Variants in CCSER1 observed in about 807,000 individuals in gnomAD.
CCSER1 encodes coiled-coil serine rich protein 1.
In CCSER1, 41 loss-of-function variants were observed where a neutral mutation model predicts 82.0. That is an observed-to-expected ratio of 0.50 (90% CI 0.39 to 0.65). CCSER1 has a LOEUF of 0.65. Ranked by LOEUF, CCSER1 falls within the 30% of genes least tolerant of loss-of-function variation. The probability of loss-of-function intolerance (pLI) is 0.00; values close to 1 mark genes in which losing one functional copy is unlikely to be tolerated. For missense variants in CCSER1, 1,119 were observed against 1,064.2 expected, an observed-to-expected ratio of 1.05 and a Z score of -0.72; for synonymous variants, 414 against 383.9, an observed-to-expected ratio of 1.08 and a Z score of -0.92.
At chr4:91,503,153 T>C (rs898592848) in intron 10 of CCSER1, among the ~76,000 whole-genome samples, 20 of 151,810 alleles carry the variant, frequency 1.3e-4, no homozygotes, top group Non-Finnish European at 2.4e-4. Flanking sequence ...CCATCCTGGC[T>C]AACATGGTGA....
At chr4:91,246,699 G>T (rs534866616) in intron 10 of CCSER1, among the ~76,000 whole-genome samples, 3 of 152,192 alleles carry the variant, frequency 2.0e-5, no homozygotes, top group Admixed American at 2.0e-4. Flanking sequence ...AAATGGAGTA[G>T]CATTCCATGA....
At chr4:91,371,123 A>G (rs1460476393) in intron 10 of CCSER1, among the ~76,000 whole-genome samples, 1 of 152,140 alleles carries the variant, frequency 6.6e-6, no homozygotes, top group African/African-American at 2.4e-5. Flanking sequence ...TTGGCCTCCC[A>G]AAGTGCTGGG....
At chr4:90,337,575 G>A (rs964559533) in intron 3 of CCSER1, among the ~76,000 whole-genome samples, 4 of 151,762 alleles carry the variant, frequency 2.6e-5, no homozygotes, top group Admixed American at 1.3e-4. Flanking sequence ...GAGATATATA[G>A]ATAGTAATTA....
rs551635839 is a variant in CCSER1 at position 91,269,168 on chromosome 4, G to T, written c.2217+183174G>T. 2.0e-5 allele frequency among the ~76,000 whole-genome samples: 3 copies of T among 152,312 alleles called. No individual in the cohort carries two copies. The South Asian group carries it at 6.2e-4, about 32-fold the overall frequency. The stretch of plus-strand genomic sequence containing the variant: ...AACCAAAGCAACAGATTGAAGGCAT[G>T]CCTTGGGCAGGTCTATGCTCCAAAA... On this transcript the variant is annotated intron_variant, in intron 10 of 10. Transcript: ENST00000509176.
chr4:90,716,532 C>T (rs1300542496), intron 6 of CCSER1, among the ~76,000 whole-genome samples: 5 of 152,222 alleles, frequency 3.3e-5, no homozygotes, highest in African/African-American at 9.6e-5. Flanking sequence ...ACTTCTCAAT[C>T]ATAGTGCTTA....
chr4:91,387,213 A>T (rs2149345357), intron 10 of CCSER1, among the ~76,000 whole-genome samples: 2 of 152,132 alleles, frequency 1.3e-5, no homozygotes, highest in Middle Eastern at 6.8e-3. Flanking sequence ...ATATACATAG[A>T]CATACACACA....
intron 4 of CCSER1, among the ~76,000 whole-genome samples, chr4:90,409,532 G>T (rs571845314): frequency 1.3e-5 from 2 of 152,266 alleles, no homozygotes; most frequent in African/African-American, 2.4e-5. Flanking sequence ...GCCAAACTAA[G>T]CTTCATAAGT....
At chr4:90,475,890 G>A (rs922417819) in intron 5 of CCSER1, among the ~76,000 whole-genome samples, 1 of 152,072 alleles carries the variant, frequency 6.6e-6, no homozygotes, top group Non-Finnish European at 1.5e-5. Context: ...ACCACTACCC[G>A]CTACCTTTCA....
At chr4:91,309,536 C>T (rs1481449125) in intron 10 of CCSER1, among the ~76,000 whole-genome samples, 2 of 151,960 alleles carry the variant, frequency 1.3e-5, no homozygotes, top group African/African-American at 2.4e-5. Flanking sequence ...TATCGATTTT[C>T]CTTTTTCTTC....
intron 1 of CCSER1, among the ~76,000 whole-genome samples, chr4:90,191,292 G>T (rs910709641): frequency 6.6e-6 from 1 of 151,908 alleles, no homozygotes; most frequent in Non-Finnish European, 1.5e-5. Flanking sequence ...AACAATCTGA[G>T]TATGGGGGCG....
At chr4:90,630,678 G>A (rs1048737422) in intron 6 of CCSER1, among the ~76,000 whole-genome samples, 1 of 151,800 alleles carries the variant, frequency 6.6e-6, no homozygotes, top group Non-Finnish European at 1.5e-5. Context: ...CATAATAGAG[G>A]CCTCTAAAGA....
intron 10 of CCSER1, among the ~76,000 whole-genome samples, chr4:91,351,775 A>G (rs1483450724): frequency 6.6e-6 from 1 of 151,928 alleles, no homozygotes. Flanking sequence ...ATTTTTTTTT[A>G]ATTAAAGAAT....
At chr4:91,503,016 C>T (rs1025525736) in intron 10 of CCSER1, among the ~76,000 whole-genome samples, 23 of 152,102 alleles carry the variant, frequency 1.5e-4, no homozygotes, top group Middle Eastern at 3.4e-3. Context: ...AAAAATTTTA[C>T]TTTTAAATCT....
chr4:90,867,537 C>T (rs1765895720), intron 8 of CCSER1, among the ~76,000 whole-genome samples: 1 of 151,952 alleles, frequency 6.6e-6, no homozygotes, highest in Non-Finnish European at 1.5e-5. Context: ...CTTTGTGTTA[C>T]AGACATTCCA....
At chr4:91,459,125 T>C (rs114199603) in intron 10 of CCSER1, among the ~76,000 whole-genome samples, 1,416 of 120,294 alleles carry the variant, frequency 0.012, 22 homozygotes, top group African/African-American at 0.042. Context: ...TTATAACAAT[T>C]TGTTTACAAA....
chr4:90,450,904 A>C (rs1457269485), intron 4 of CCSER1, among the ~76,000 whole-genome samples: 1 of 152,224 alleles, frequency 6.6e-6, no homozygotes, highest in Non-Finnish European at 1.5e-5. Context: ...TCAGTCTAGC[A>C]AGAAATCATT....
At chr4:90,297,947 A>C (rs182368019) in intron 1 of CCSER1, among the ~76,000 whole-genome samples, 2,191 of 152,188 alleles carry the variant, frequency 0.014, 34 homozygotes, top group African/African-American at 0.043. Flanking sequence ...ATATTGGTCT[A>C]AAATTCTCTT....
chr4:90,201,785 A>G (rs1277918508), intron 1 of CCSER1, among the ~76,000 whole-genome samples: 4 of 152,090 alleles, frequency 2.6e-5, no homozygotes, highest in African/African-American at 9.7e-5. Context: ...GTTCTGGGTC[A>G]TGAAAGTTGT....
chr4:90,965,526 T>C (rs1445007042), intron 9 of CCSER1, among the ~76,000 whole-genome samples: 1 of 152,144 alleles, frequency 6.6e-6, no homozygotes, highest in Non-Finnish European at 1.5e-5. Flanking sequence ...GGGAGACTTA[T>C]TGGCCAATAC....
Sources: allele counts gnomAD v4.1 joint callset (sites outside exome capture counted in the v4.1 genomes callset), GRCh38; gene constraint gnomAD v4.1.1; transcripts MANE v1.5; gene names NCBI Gene and HGNC (gene_info 2026-07-23, HGNC 2026-07-21).